The following NRG3 variants were observed in gnomAD, a reference collection of about 807,000 sequenced individuals.
NRG3 encodes the protein neuregulin 3.
NRG3 carries 31 observed loss-of-function variants against 66.9 expected under a neutral mutation model. That is an observed-to-expected ratio of 0.46 (90% CI 0.35 to 0.63). The LOEUF (loss-of-function observed/expected upper bound fraction) is 0.63. Ranked by LOEUF, NRG3 falls within the 20% of genes least tolerant of loss-of-function variation. The pLI, the probability that NRG3 is intolerant of heterozygous loss-of-function variation, is 0.00. For synonymous variants in NRG3, 393 were observed against 359.4 expected (o/e 1.09, Z -1.06); for missense variants, 910 against 878.9 (o/e 1.04, Z -0.45).
At chr10:82,537,938 AGATTT>A (rs1290384252) in intron 2 of NRG3, among the ~76,000 whole-genome samples, 3 of 152,154 alleles carry the variant, frequency 2.0e-5, no homozygotes, top group African/African-American at 7.2e-5. Flanking sequence ...TTGCTGCCTC[AGATTT>A]GGGCAGGGTT....
In NRG3 at chr10:82,986,958, A is replaced by G. The variant is rs1404889808; in HGVS notation, c.*1353A>G. 1.3e-5 allele frequency: 2 copies of G among 152,218 alleles called. No individual in the cohort carries two copies. Among genetic ancestry groups the G allele is most frequent in the Non-Finnish European group, 2.9e-5 (2 of 68,036 alleles). 9.4% of individuals were successfully genotyped at this position (152,218 alleles called of 1,614,324 possible). ...TTCACAAGAAGCCCCCCAAAAGAAC[A>G]GTAAATTGTGTTGTATGTTCATTTG... On this transcript the variant is annotated 3_prime_UTR_variant, in exon 9 of 9. Coordinates refer to ENST00000372141, the MANE Select transcript of NRG3 (RefSeq NM_001010848.4).
intron 2 of NRG3, among the ~76,000 whole-genome samples, chr10:82,425,878 T>G (rs1005703869): frequency 6.6e-6 from 1 of 152,168 alleles, no homozygotes; most frequent in Non-Finnish European, 1.5e-5. Context: ...TAGCCTGTTA[T>G]TATAGAAGAG....
At chr10:81,894,860 C>T (rs1182558082) in intron 1 of NRG3, among the ~76,000 whole-genome samples, 1 of 152,162 alleles carries the variant, frequency 6.6e-6, no homozygotes, top group Non-Finnish European at 1.5e-5. Flanking sequence ...CTGCCTCCAA[C>T]CACCACAAGT....
At chr10:82,340,828 GGCC>G (rs2135388020) in intron 1 of NRG3, 1 of 152,220 alleles carries the variant, frequency 6.6e-6, no homozygotes, top group South Asian at 2.1e-4. Context: ...AAGTTGTCAT[GGCC>G]GTGCACAAGG....
chr10:82,074,526 G>A (rs1005954105), intron 1 of NRG3, among the ~76,000 whole-genome samples: 1 of 152,154 alleles, frequency 6.6e-6, no homozygotes, highest in African/African-American at 2.4e-5. Context: ...TCATTGGAGA[G>A]GCTACCATAG....
intron 2 of NRG3, among the ~76,000 whole-genome samples, chr10:82,614,406 C>T (rs577699603): frequency 7.2e-5 from 11 of 152,226 alleles, no homozygotes; most frequent in East Asian, 3.9e-4. Flanking sequence ...AGCTTTATGC[C>T]GCTAGCTCAG....
chr10:82,168,290 G>A (rs2072266036), intron 1 of NRG3, among the ~76,000 whole-genome samples: 1 of 152,016 alleles, frequency 6.6e-6, no homozygotes, highest in South Asian at 2.1e-4. Context: ...GCTCTCCGTG[G>A]GTAGGTGGCT....
Position 82,434,187 on chromosome 10 carries a change from T to C in NRG3, c.953+75319T>C, listed in dbSNP as rs192742461. Among the ~76,000 whole-genome samples the C allele has an allele frequency of 2.3e-4, 35 of 152,158 alleles. No individual in the cohort carries two copies. In the East Asian group the frequency reaches 6.0e-3, roughly 26 times the overall value. On this transcript the variant is annotated intron_variant, in intron 2 of 8. Coordinates refer to ENST00000372141, the MANE Select transcript of NRG3 (RefSeq NM_001010848.4). Reference sequence around the variant, plus strand: ...ACATCCCATGTTAGCTGTATTGCTATATATTTTATTCTCTTTTTAGAGATT... The same window carrying C: ...ACATCCCATGTTAGCTGTATTGCTACATATTTTATTCTCTTTTTAGAGATT...
intron 5 of NRG3, 133 bp from the exon 6 acceptor site, chr10:82,958,816 G>C: frequency 9.9e-7 from 1 of 1,012,658 alleles, no homozygotes; most frequent in East Asian, 2.8e-5. Flanking sequence ...ATGAGAGAAG[G>C]GTTCTCTTCG....
At chr10:82,173,887 C>T (rs1279037478) in intron 1 of NRG3, among the ~76,000 whole-genome samples, 2 of 152,076 alleles carry the variant, frequency 1.3e-5, no homozygotes, top group Non-Finnish European at 2.9e-5. Context: ...GTACTGAGAC[C>T]TTTAAAGTAA....
chr10:81,903,278 C>T (rs570907930), intron 1 of NRG3, among the ~76,000 whole-genome samples: 1 of 152,140 alleles, frequency 6.6e-6, no homozygotes, highest in East Asian at 1.9e-4. Flanking sequence ...CCCGCGGGTA[C>T]ACAGCATGTA....
intron 1 of NRG3, among the ~76,000 whole-genome samples, chr10:82,226,684 A>G (rs2133832931): frequency 6.6e-6 from 1 of 152,268 alleles, no homozygotes; most frequent in Middle Eastern, 3.4e-3. Flanking sequence ...CTTTGTATTT[A>G]ATGCTAACCA....
At chr10:82,480,720 G>C (rs189814417) in intron 2 of NRG3, among the ~76,000 whole-genome samples, 4 of 152,158 alleles carry the variant, frequency 2.6e-5, no homozygotes, top group Non-Finnish European at 5.9e-5. Context: ...TGGCACAAGA[G>C]AAAACTAAGC....
At chr10:82,678,656 C>T (rs952900397) in intron 2 of NRG3, among the ~76,000 whole-genome samples, 3 of 152,140 alleles carry the variant, frequency 2.0e-5, no homozygotes, top group Admixed American at 6.6e-5. Context: ...CATCACCCGA[C>T]GGTCGCCTGA....
intron 3 of NRG3, among the ~76,000 whole-genome samples, chr10:82,765,870 CTT>C (rs2059495276): frequency 2.0e-5 from 3 of 152,230 alleles, no homozygotes; most frequent in African/African-American, 4.8e-5. Context: ...AATGTCAGCT[CTT>C]AACTGACATA....
intron 2 of NRG3, among the ~76,000 whole-genome samples, chr10:82,734,519 T>C (rs561765981): frequency 3.7e-4 from 56 of 152,204 alleles, no homozygotes; most frequent in Non-Finnish European, 6.2e-4. Flanking sequence ...GATACTTCAG[T>C]TGGGCTCAGA....
At chr10:82,077,160 GC>G (rs1210752394) in intron 1 of NRG3, among the ~76,000 whole-genome samples, 1 of 152,084 alleles carries the variant, frequency 6.6e-6, no homozygotes, top group African/African-American at 2.4e-5. Context: ...ACACACATCA[GC>G]CATTTTTCAC....
intron 3 of NRG3, among the ~76,000 whole-genome samples, chr10:82,795,863 C>A (rs2060779711): frequency 6.6e-6 from 1 of 151,972 alleles, no homozygotes; most frequent in African/African-American, 2.4e-5. Flanking sequence ...ATGAGTGACT[C>A]CATTTTGGTT....
chr10:82,075,062 GT>G (rs1476692225), intron 1 of NRG3, among the ~76,000 whole-genome samples: 1 of 152,136 alleles, frequency 6.6e-6, no homozygotes, highest in East Asian at 1.9e-4. Flanking sequence ...GAATTTAAGT[GT>G]CACTATTTTG....
Sources: allele counts gnomAD v4.1 joint callset (sites outside exome capture counted in the v4.1 genomes callset), GRCh38; gene constraint gnomAD v4.1.1; transcripts MANE v1.5; gene names NCBI Gene and HGNC (gene_info 2026-07-23, HGNC 2026-07-21).